Variants in RABGAP1L observed in about 807,000 individuals in gnomAD.
RABGAP1L encodes rab GTPase-activating protein 1-like.
A neutral mutation model predicts 137.7 loss-of-function variants in RABGAP1L; 63 were observed. That is an observed-to-expected ratio of 0.46 (90% confidence interval 0.37 to 0.56). The LOEUF (loss-of-function observed/expected upper bound fraction) is 0.56, where lower values mean the gene tolerates loss of function less well. RABGAP1L is among the 20% of genes least tolerant of loss of function. The probability of loss-of-function intolerance (pLI) is 0.00; values close to 1 mark genes in which losing one functional copy is unlikely to be tolerated. For missense variants in RABGAP1L, 1,095 were observed against 1,244.0 expected (o/e 0.88, Z 1.80); for synonymous variants, 431 against 433.7 (o/e 0.99, Z 0.08).
At chr1:174,540,006 C>T (rs1419124431) in intron 13 of RABGAP1L, among the ~76,000 whole-genome samples, 1 of 152,182 alleles carries the variant, frequency 6.6e-6, no homozygotes, top group African/African-American at 2.4e-5. Context: ...GAAATGGTAT[C>T]TCATTGTGGT....
chr1:174,619,780 C>G (rs929925036), intron 13 of RABGAP1L, among the ~76,000 whole-genome samples: 1 of 152,168 alleles, frequency 6.6e-6, no homozygotes, highest in African/African-American at 2.4e-5. Context: ...ATCAAATTCA[C>G]AGATAACAAT....
rs540455195 is a variant in RABGAP1L at position 174,623,698 on chromosome 1, A to T, written c.1711-13677A>T. 2.0e-5 allele frequency among the ~76,000 whole-genome samples: 3 copies of T among 152,282 alleles called. No individual in the cohort carries two copies. The East Asian group carries it at 5.8e-4, about 29-fold the overall frequency. ...GTTGAGGCTCTGTCACATATTACCT[A>T]TGTGGCTGACCTTTATTCTCCGGCC... On this transcript the variant is annotated intron_variant, in intron 13 of 25. Transcript: ENST00000681986.
chr1:174,881,492 CTTTTTTT>C (rs751296977), intron 19 of RABGAP1L, among the ~76,000 whole-genome samples: 22 of 85,864 alleles, frequency 2.6e-4, no homozygotes, highest in Non-Finnish European at 4.0e-4. Context: ...ATATCATTTG[CTTTTTTT>C]TTTTTTTTTT....
chr1:174,692,148 A>G lies in RABGAP1L; in HGVS notation c.1900-7377A>G, dbSNP rs369204583. ...CAACAGATTGCCCTACTTGTGTGGT[A>G]TGACTTCATTAAAAAGGCAGATATA... On this transcript the variant is annotated intron_variant, in intron 15 of 25. Transcript: ENST00000681986. Among the ~76,000 whole-genome samples the G allele has an allele frequency of 1.1e-4, 17 of 152,244 alleles. No individual in the cohort carries two copies. In the East Asian group the frequency reaches 1.9e-3, roughly 17 times the overall value.
chr1:174,974,105 C>T (rs180913632), intron 21 of RABGAP1L, among the ~76,000 whole-genome samples: 4 of 151,308 alleles, frequency 2.6e-5, no homozygotes, highest in African/African-American at 9.7e-5. Flanking sequence ...TCTCCTGCCT[C>T]AGCCTCCTGA....
At position 174,489,692 on chromosome 1, in the gene RABGAP1L, G is replaced by T. The variant is rs369170897; in HGVS notation, c.1710+95547G>T. Among the ~76,000 whole-genome samples the T allele has an allele frequency of 2.8e-4, 42 of 152,248 alleles. 3 individuals are homozygous for T. The East Asian group carries it at 3.7e-3, about 13-fold the overall frequency. ...TCCCATTACTGGGTATATACCCAAA[G>T]GATTATAAATCATGCTGCTATCAAG... On this transcript the variant is annotated intron_variant, in intron 13 of 25. Coordinates refer to ENST00000681986, the MANE Select transcript of RABGAP1L (RefSeq NM_001366446.1).
intron 3 of RABGAP1L, among the ~76,000 whole-genome samples, chr1:174,222,651 ACCATCAAGATAT>A (rs71844017): frequency 0.072 from 11,037 of 152,296 alleles, 599 homozygotes; most frequent in East Asian, 0.32. Context: ...AAAATGCGTT[ACCATCAAGATAT>A]ATTGAAACAG....
At chr1:174,734,656 C>G (rs1480824272) in intron 17 of RABGAP1L, among the ~76,000 whole-genome samples, 1 of 152,132 alleles carries the variant, frequency 6.6e-6, no homozygotes, top group African/African-American at 2.4e-5. Flanking sequence ...TGATGTTCAG[C>G]ACCTTGAATG....
intron 14 of RABGAP1L, among the ~76,000 whole-genome samples, chr1:174,661,570 AATTC>A (rs1355647586): frequency 6.6e-6 from 1 of 152,218 alleles, no homozygotes; most frequent in African/African-American, 2.4e-5. Context: ...TAAAACTAAT[AATTC>A]ATTATTATAA....
chr1:174,344,370 G>A (rs1682255216), intron 11 of RABGAP1L, among the ~76,000 whole-genome samples: 1 of 152,090 alleles, frequency 6.6e-6, no homozygotes, highest in Non-Finnish European at 1.5e-5. Context: ...TTGGACTTTC[G>A]TTCTCATAAG....
chr1:174,819,450 C>T (rs548026448), intron 19 of RABGAP1L, among the ~76,000 whole-genome samples: 1 of 152,238 alleles, frequency 6.6e-6, no homozygotes, highest in East Asian at 1.9e-4. Context: ...CACATATGCT[C>T]TCAGAGCTCA....
intron 13 of RABGAP1L, among the ~76,000 whole-genome samples, chr1:174,616,293 G>T (rs943647066): frequency 6.6e-6 from 1 of 152,076 alleles, no homozygotes; most frequent in East Asian, 1.9e-4. Flanking sequence ...ATTATCTTTG[G>T]TTATGGTACA....
At position 174,875,784 on chromosome 1, in the gene RABGAP1L, G is replaced by A. The variant is rs966138135; in HGVS notation, c.2340+63824G>A. The A allele has an allele frequency of 1.8e-5, 15 of 855,630 alleles. No homozygotes were observed. The South Asian group carries it at 7.5e-4, about 43-fold the overall frequency. The allele number at this position is 855,630 out of a possible 1,614,324, so 53.0% of individuals were successfully genotyped here. A position where few individuals can be genotyped will look rare whatever the true frequency, so the allele number is the denominator to read the frequency against. On this transcript the variant is annotated intron_variant, in intron 19 of 25. Transcript: ENST00000681986. Reference sequence around the variant, plus strand: ...CATTTAATTTTTACCTGGTTAGTCAGAGTCAGGATAAATGTGCAGGAAAAA... The same window carrying A: ...CATTTAATTTTTACCTGGTTAGTCAAAGTCAGGATAAATGTGCAGGAAAAA...
At chr1:174,214,597 C>T (rs1044510648) in intron 1 of RABGAP1L, among the ~76,000 whole-genome samples, 1 of 152,194 alleles carries the variant, frequency 6.6e-6, no homozygotes, top group African/African-American at 2.4e-5. Context: ...TGCTCCATAG[C>T]TATAGTAACC....
chr1:174,663,740 G>A (rs906574623), intron 14 of RABGAP1L, among the ~76,000 whole-genome samples: 19 of 152,164 alleles, frequency 1.2e-4, no homozygotes, highest in African/African-American at 3.4e-4. Context: ...TGAATATGCA[G>A]TGTCAAAAAA....
intron 11 of RABGAP1L, among the ~76,000 whole-genome samples, chr1:174,350,219 TGG>T (rs1683006196): frequency 8.6e-6 from 1 of 115,920 alleles, no homozygotes; most frequent in Non-Finnish European, 1.8e-5. Context: ...CCGGACGGGG[TGG>T]CTGCCGGGCG....
chr1:174,287,390 C>T (rs375872669), intron 10 of RABGAP1L, among the ~76,000 whole-genome samples: 1 of 152,062 alleles, frequency 6.6e-6, no homozygotes, highest in East Asian at 1.9e-4. Flanking sequence ...TATCTTTTTC[C>T]ATCCCTTCAT....
intron 12 of RABGAP1L, among the ~76,000 whole-genome samples, chr1:174,378,756 A>C (rs1352299619): frequency 6.8e-6 from 1 of 146,928 alleles, no homozygotes; most frequent in Non-Finnish European, 1.5e-5. Context: ...CTCTGATGGT[A>C]GTTTCTTTTG....
intron 13 of RABGAP1L, among the ~76,000 whole-genome samples, chr1:174,542,866 A>C (rs1217610592): frequency 1.3e-5 from 2 of 152,218 alleles, no homozygotes; most frequent in Non-Finnish European, 2.9e-5. Context: ...GTAGTCATTC[A>C]GGACAAGGTT....
Sources: allele counts gnomAD v4.1 joint callset (sites outside exome capture counted in the v4.1 genomes callset), GRCh38; gene constraint gnomAD v4.1.1; transcripts MANE v1.5; gene names NCBI Gene and HGNC (gene_info 2026-07-23, HGNC 2026-07-21).